SNRNP27: variants seen among roughly 807,000 people sequenced by gnomAD.
The protein encoded by SNRNP27 is small nuclear ribonucleoprotein U4/U6.U5 subunit 27, also known as U4/U6.U5 small nuclear ribonucleoprotein 27 kDa protein.
In SNRNP27, 22 loss-of-function variants were observed where a neutral mutation model predicts 25.1. The observed-to-expected ratio is 0.88, with a 90% confidence interval of 0.63 to 1.25. The LOEUF is 1.25. SNRNP27 is among the 50% of genes most tolerant of loss of function. SNRNP27 has a pLI of 0.00. For synonymous variants in SNRNP27, 66 were observed against 64.9 expected, an observed-to-expected ratio of 1.02 and a Z score of -0.08; for missense variants, 150 against 202.3, an observed-to-expected ratio of 0.74 and a Z score of 1.57.
At chr2:69,902,104 T>C (rs1199492251) in intron 4 of SNRNP27, among the ~76,000 whole-genome samples, 2 of 150,822 alleles carry the variant, frequency 1.3e-5, no homozygotes, top group East Asian at 1.9e-4. Context: ...TAATTGCTTA[T>C]ACACGATTGT....
rs1193427781 is a variant in SNRNP27, at chr2:69,896,522, CAA to C, written c.244_245del (p.Lys82GlufsTer8). ...GAGGAAAAGAAAGAAACAAAAGAAA[CAA>C]AGAGCAAAGAACGGCAGATTACTGG... On this transcript the variant is annotated frameshift_variant, in exon 3 of 6. Transcript: ENST00000244227. LOFTEE classifies it high-confidence loss of function. 4 of 1,606,514 alleles carry C rather than the reference CAA, an allele frequency of 2.5e-6. No individual in the cohort carries two copies. Among genetic ancestry groups the C allele is most frequent in the East Asian group, 4.5e-5 (2 of 44,828 alleles).
rs763567285 is a variant in SNRNP27, at chr2:69,897,372, T to C, written c.269-5T>C. ...GAGAGGTCACAAAATTATTCTTTTTTGCAGAGGAAGACTTAGAGGGCAAAA... is the reference window on the plus strand; with the variant it reads ...GAGAGGTCACAAAATTATTCTTTTTCGCAGAGGAAGACTTAGAGGGCAAAA... On this transcript the variant is annotated splice_polypyrimidine_tract_variant and splice_region_variant and intron_variant, in intron 3 of 5. Coordinates refer to ENST00000244227, the MANE Select transcript of SNRNP27 (RefSeq NM_006857.3). 1 of 1,606,132 alleles carries C rather than the reference T, an allele frequency of 6.2e-7. No individual in the cohort carries two copies. The highest frequency in any genetic ancestry group is 8.5e-7 in the Non-Finnish European group (1 of 1,174,286).
chr2:69,903,184 A>G lies in SNRNP27; in HGVS notation c.352A>G (p.Lys118Glu). Reference sequence around the variant, plus strand: ...TTTGTTTATTGTTTTTCTTCAGGGTAAGAAGGTGGATGGCTCTGTAAATGC... The same window carrying G: ...TTTGTTTATTGTTTTTCTTCAGGGTGAGAAGGTGGATGGCTCTGTAAATGC... ...GFASFDSTKG[K>E]KVDGSVNAYA... Residue 118 changes from lysine (K) to glutamate (E), a missense_variant, in exon 5 of 6, where the codon AAG becomes GAG. Physicochemically the swap from Lys to Glu is moderately conservative, Grantham distance 56 (BLOSUM62 1). This residue lies in a region of SNRNP27 where 142 missense variants were observed against 168.6 expected (regional missense o/e 0.84). Coordinates refer to ENST00000244227, the MANE Select transcript of SNRNP27 (RefSeq NM_006857.3). 1 of 1,611,744 alleles carries G rather than the reference A, an allele frequency of 6.2e-7. No homozygotes were observed. The highest frequency in any genetic ancestry group is 8.5e-7 in the Non-Finnish European group (1 of 1,178,078).
At position 69,895,183 on chromosome 2, in the gene SNRNP27, C is replaced by G. The variant is rs143382169; in HGVS notation, c.124C>G (p.Arg42Gly). 6.2e-7 allele frequency: 1 copy of G among 1,614,060 alleles called. No homozygotes were observed. ...TCGGGAGAGAGATCGGAGAAGGAGC[C>G]GCTCGCGATCCCCGCACCGAAGACG... ...RSRERDRRRS[R>G]SRSPHRRRSR... The change falls in exon 2 of 6, where the codon CGC becomes GGC. Residue 42 changes from arginine to glycine, a missense_variant. By Grantham distance (125) the Arg-to-Gly change is moderately radical (BLOSUM62 -2). Around this residue, in one of 2 missense-constraint regions of SNRNP27, gnomAD observed 142 missense variants for 168.6 expected, o/e 0.84. Coordinates refer to ENST00000244227, the MANE Select transcript of SNRNP27 (RefSeq NM_006857.3).
At chr2:69,897,512 T>A (rs1487790179) in intron 4 of SNRNP27, 56 bp downstream of exon 4, 10 of 1,279,240 alleles carry the variant, frequency 7.8e-6, no homozygotes, top group Admixed American at 1.8e-5. Context: ...CTGTCCTATC[T>A]TTCCATGTTC....
chr2:69,904,592 T>A lies in SNRNP27; in HGVS notation c.*284T>A, dbSNP rs1676762567. ...AAGCAGTATATGTTTTCTTCCTGAA[T>A]GCTCATTAGGACTTCTTAAAAAACA... On this transcript the variant is annotated 3_prime_UTR_variant, in exon 6 of 6. Coordinates refer to ENST00000244227, the MANE Select transcript of SNRNP27 (RefSeq NM_006857.3). The A allele has an allele frequency of 1.9e-6, 1 of 540,502 alleles. No homozygotes were observed. 33.5% of individuals were successfully genotyped at this position (540,502 alleles called of 1,614,324 possible). A position where few individuals can be genotyped will look rare whatever the true frequency, so the allele number is the denominator to read the frequency against.
In SNRNP27 at chr2:69,893,982, CA is replaced by C; in HGVS notation, c.1del. On this transcript the variant is annotated 5_prime_UTR_variant, in exon 1 of 6. Transcript: ENST00000244227. ...CAGTTGTTTCCGGGAAGCGGGACTC[CA>C]AATGGGTCGCAGTCGCAGCCGCTCT... 1 of 1,614,060 alleles carries C rather than the reference CA, an allele frequency of 6.2e-7. No homozygotes were observed. Among genetic ancestry groups the C allele is most frequent in the Non-Finnish European group, 8.5e-7 (1 of 1,179,964 alleles).
chr2:69,894,283 G>A (rs562998347), intron 1 of SNRNP27, among the ~76,000 whole-genome samples: 3 of 152,114 alleles, frequency 2.0e-5, no homozygotes, highest in Non-Finnish European at 2.9e-5. Context: ...CACTGTGGCC[G>A]GTGGGTTTAG....
At chr2:69,898,873 G>A (rs1163216745) in intron 4 of SNRNP27, among the ~76,000 whole-genome samples, 6 of 152,138 alleles carry the variant, frequency 3.9e-5, no homozygotes, top group Non-Finnish European at 5.9e-5. Context: ...ATAAATGAAA[G>A]TTTATTAAGA....
intron 4 of SNRNP27, 107 bp downstream of exon 4, chr2:69,897,563 C>A: frequency 1.1e-6 from 1 of 903,726 alleles, no homozygotes; most frequent in South Asian, 1.6e-5. Flanking sequence ...AAGACAATAA[C>A]TATCTGTTTG....
chr2:69,902,761 G>A (rs905171990), intron 4 of SNRNP27, among the ~76,000 whole-genome samples: 4 of 151,562 alleles, frequency 2.6e-5, no homozygotes, highest in African/African-American at 9.7e-5. Flanking sequence ...TGTTTATTCT[G>A]CTACTGCTGC....
At chr2:69,896,200 C>T (rs937799725) in intron 2 of SNRNP27, among the ~76,000 whole-genome samples, 4 of 152,136 alleles carry the variant, frequency 2.6e-5, no homozygotes, top group African/African-American at 9.7e-5. Context: ...TTACATTTTT[C>T]TGCCTTCCAG....
chr2:69,895,073 A>G (rs1270683364), intron 1 of SNRNP27, 21 bp from the exon 2 acceptor site: 6 of 1,611,336 alleles, frequency 3.7e-6, no homozygotes, highest in Admixed American at 1.7e-5. Context: ...CAGTTCTGCA[A>G]TTTGTGTGCG....
chr2:69,894,781 A>G (rs1462688911), intron 1 of SNRNP27, among the ~76,000 whole-genome samples: 1 of 152,034 alleles, frequency 6.6e-6, no homozygotes, highest in Admixed American at 6.6e-5. Context: ...TCCTGGGTTC[A>G]AGCGATTCTC....
chr2:69,895,040 C>G, intron 1 of SNRNP27, 54 bp from the exon 2 acceptor site: 1 of 1,606,954 alleles, frequency 6.2e-7, no homozygotes, highest in Non-Finnish European at 8.5e-7. Context: ...GACGGCGCAG[C>G]TCTAGATATT....
intron 5 of SNRNP27, among the ~76,000 whole-genome samples, chr2:69,903,661 ACAT>A: frequency 6.6e-6 from 1 of 152,244 alleles, no homozygotes; most frequent in East Asian, 1.9e-4. Context: ...ACCAATCCAT[ACAT>A]GAAATCTCAC....
intron 5 of SNRNP27, 56 bp from the exon 6 acceptor site, chr2:69,904,198 T>A: frequency 5.7e-6 from 7 of 1,233,428 alleles, no homozygotes; most frequent in Non-Finnish European, 8.0e-6. Context: ...GTTTTTTTTT[T>A]TATAAGAGGA....
intron 4 of SNRNP27, 82 bp from the exon 5 acceptor site, chr2:69,903,099 C>G (rs369100939): frequency 9.0e-7 from 1 of 1,113,662 alleles, no homozygotes; most frequent in Non-Finnish European, 1.4e-6. Flanking sequence ...GTACATGCCA[C>G]TGCCACCACA....
At chr2:69,901,338 G>T (rs550453442) in intron 4 of SNRNP27, among the ~76,000 whole-genome samples, 23 of 152,318 alleles carry the variant, frequency 1.5e-4, no homozygotes, top group African/African-American at 5.3e-4. Flanking sequence ...GGCAGGGAAG[G>T]CAATTCAGGC....
Sources: allele counts gnomAD v4.1 joint callset (sites outside exome capture counted in the v4.1 genomes callset), GRCh38; gene constraint gnomAD v4.1.1; regional missense constraint gnomAD v4.1.1; transcripts MANE v1.5; gene names NCBI Gene and HGNC (gene_info 2026-07-23, HGNC 2026-07-21).